Variants in PRUNE2 observed in about 807,000 individuals in gnomAD.
PRUNE2 encodes the protein prune homolog 2 with BCH domain.
Under a neutral mutation model 252.0 loss-of-function variants are expected in PRUNE2, and 164 were observed. That is an observed-to-expected ratio of 0.65 (90% confidence interval 0.57 to 0.74). PRUNE2 has a LOEUF of 0.74. PRUNE2 is among the 30% of genes least tolerant of loss of function. The pLI is 0.00. For synonymous variants in PRUNE2, 1,292 were observed against 1,350.2 expected, an observed-to-expected ratio of 0.96 and a Z score of 0.94; for missense variants, 3,495 against 3,711.0, an observed-to-expected ratio of 0.94 and a Z score of 1.51.
In PRUNE2 at chr9:76,906,003, C is replaced by T. The variant is rs2133820060; in HGVS notation, c.-40G>A. Reference sequence around the variant, plus strand: ...TTTGGAACCCGGGTACTCGGAGGGGCGCAGTGGAAAATCTCGGCCCAAGGA... The same window carrying T: ...TTTGGAACCCGGGTACTCGGAGGGGTGCAGTGGAAAATCTCGGCCCAAGGA... On this transcript the variant is annotated 5_prime_UTR_variant, in exon 1 of 19. Coordinates refer to ENST00000376718, the MANE Select transcript of PRUNE2 (RefSeq NM_015225.3). 1.2e-6 allele frequency: 2 copies of T among 1,610,584 alleles called. No individual in the cohort carries two copies. The highest frequency in any genetic ancestry group is 8.5e-7 in the Non-Finnish European group (1 of 1,176,946).
intron 1 of PRUNE2, among the ~76,000 whole-genome samples, chr9:76,889,535 G>T (rs1473480230): frequency 2.6e-5 from 4 of 151,930 alleles, no homozygotes; most frequent in Non-Finnish European, 4.4e-5. Flanking sequence ...GACCTGGCTG[G>T]TCTCAAACTC....
chr9:76,697,840 C>T (rs1205233815), intron 9 of PRUNE2, among the ~76,000 whole-genome samples: 1 of 152,174 alleles, frequency 6.6e-6, no homozygotes, highest in African/African-American at 2.4e-5. Flanking sequence ...GAGAGGAACA[C>T]TTGCCCTGTC....
intron 6 of PRUNE2, among the ~76,000 whole-genome samples, chr9:76,777,582 G>A (rs969337731): frequency 3.3e-5 from 5 of 152,102 alleles, no homozygotes; most frequent in Admixed American, 1.3e-4. Context: ...TTTATGCAAG[G>A]CATTCTTGGG....
intron 6 of PRUNE2, among the ~76,000 whole-genome samples, chr9:76,767,181 G>C (rs1321357418): frequency 6.6e-6 from 1 of 152,206 alleles, no homozygotes; most frequent in Non-Finnish European, 1.5e-5. Flanking sequence ...GCCAGGCACT[G>C]TGGGTCACGC....
At position 76,858,758 on chromosome 9, in the gene PRUNE2, T is replaced by TA. The variant is rs879425476; in HGVS notation, c.37-4551dup. 4.8e-3 allele frequency among the ~76,000 whole-genome samples: 593 copies of TA among 123,322 alleles called. 2 individuals are homozygous for TA. Among genetic ancestry groups the TA allele is most frequent in the African/African-American group, 0.012 (391 of 33,584 alleles). 80.9% of individuals were successfully genotyped at this position (123,322 alleles called of 152,430 possible). On this transcript the variant is annotated intron_variant, in intron 1 of 18. Coordinates refer to ENST00000376718, the MANE Select transcript of PRUNE2 (RefSeq NM_015225.3). ...TGTATCCCAGAACTTAAGGTATAAT[T>TA]AAAAAAAAAAAAAAGAAAGAAAAAA...
chr9:76,662,942 A>G (rs756033675), intron 9 of PRUNE2, among the ~76,000 whole-genome samples: 1 of 152,202 alleles, frequency 6.6e-6, no homozygotes, highest in Admixed American at 6.5e-5. Context: ...AGAAAAAAGA[A>G]AACACAAACA....
At chr9:76,776,852 T>C in intron 6 of PRUNE2, among the ~76,000 whole-genome samples, 1 of 148,334 alleles carries the variant, frequency 6.7e-6, no homozygotes, top group South Asian at 2.1e-4. Context: ...TGAAGATACA[T>C]GAAGCTTTCT....
chr9:76,709,400 C>G lies in PRUNE2; in HGVS notation c.2874G>C (p.Ser958=). Residue 958 remains serine (S), a synonymous_variant, in exon 8 of 19, where the codon TCG becomes TCC. Coordinates refer to ENST00000376718, the MANE Select transcript of PRUNE2 (RefSeq NM_015225.3). ...DYSASNLGED[S]VPSPLDTNYS... Reference sequence around the variant, plus strand: ...AATTGGTATCTAAGGGGGAAGGCACCGAATCTTCTCCTAGGTTGGATGCAC... The same window carrying G: ...AATTGGTATCTAAGGGGGAAGGCACGGAATCTTCTCCTAGGTTGGATGCAC... 6.2e-7 allele frequency: 1 copy of G among 1,613,968 alleles called. No individual in the cohort carries two copies. The highest frequency in any genetic ancestry group is 8.5e-7 in the Non-Finnish European group (1 of 1,179,878).
chr9:76,737,733 T>G (rs995151550), intron 6 of PRUNE2: 5 of 152,228 alleles, frequency 3.3e-5, no homozygotes, highest in African/African-American at 9.6e-5. Flanking sequence ...CAAGCTTGAG[T>G]TGATTTATTG....
intron 1 of PRUNE2, among the ~76,000 whole-genome samples, chr9:76,903,430 A>T (rs2063298618): frequency 6.6e-6 from 1 of 152,036 alleles, no homozygotes. Flanking sequence ...TTTAGGTATC[A>T]TATAGCTAAA....
At chr9:76,857,725 C>G (rs1283139287) in intron 1 of PRUNE2, among the ~76,000 whole-genome samples, 1 of 152,192 alleles carries the variant, frequency 6.6e-6, no homozygotes, top group Non-Finnish European at 1.5e-5. Flanking sequence ...CACTCTTGAG[C>G]TTCCCCCCAC....
intron 6 of PRUNE2, among the ~76,000 whole-genome samples, chr9:76,749,554 C>T (rs1248852971): frequency 6.6e-6 from 1 of 152,324 alleles, no homozygotes; most frequent in Non-Finnish European, 1.5e-5. Context: ...CCTTTAAAAA[C>T]CCTTGCGTGT....
At chr9:76,730,925 A>T (rs564002350) in intron 6 of PRUNE2, among the ~76,000 whole-genome samples, 2 of 152,300 alleles carry the variant, frequency 1.3e-5, no homozygotes, top group Admixed American at 1.3e-4. Context: ...GACGAAAGAG[A>T]TGAGGCAATC....
chr9:76,872,066 C>G (rs1357388303), intron 1 of PRUNE2, among the ~76,000 whole-genome samples: 1 of 152,186 alleles, frequency 6.6e-6, no homozygotes, highest in Non-Finnish European at 1.5e-5. Context: ...CTAGAAACAA[C>G]AGATACCATG....
intron 5 of PRUNE2, among the ~76,000 whole-genome samples, chr9:76,824,006 A>G (rs2058198192): frequency 6.6e-6 from 1 of 152,188 alleles, no homozygotes; most frequent in South Asian, 2.1e-4. Flanking sequence ...GAGAAAGTGA[A>G]TAAAAGATGA....
At position 76,644,841 on chromosome 9, in the gene PRUNE2, G is replaced by T. The variant is rs372423853; in HGVS notation, c.8626C>A (p.Arg2876=). The T allele has an allele frequency of 1.2e-6, 2 of 1,613,794 alleles. No homozygotes were observed. Among genetic ancestry groups the T allele is most frequent in the South Asian group, 1.1e-5 (1 of 91,080 alleles). Residue 2876 remains arginine (R), a synonymous_variant, in exon 12 of 19, where the codon CGG becomes AGG. Transcript: ENST00000376718. ...SIPEYTAEEE[R]EDNRLWRTVV... ...GTCCTCCAAAGCCGGTTGTCCTCCC[G>T]TTCCTCTTCGGCCGTATATTCTGGA...
chr9:76,642,095 C>A, intron 12 of PRUNE2: 1 of 808,960 alleles, frequency 1.2e-6, no homozygotes. Context: ...GGTTTCTCAG[C>A]TCCAAGTTCA....
chr9:76,811,203 A>G (rs2057335838), intron 6 of PRUNE2, among the ~76,000 whole-genome samples: 1 of 152,252 alleles, frequency 6.6e-6, no homozygotes, highest in South Asian at 2.1e-4. Flanking sequence ...AAATGTATTT[A>G]CAGAGTGAAA....
intron 6 of PRUNE2, among the ~76,000 whole-genome samples, chr9:76,810,559 T>A (rs950734631): frequency 6.6e-6 from 1 of 152,200 alleles, no homozygotes. Flanking sequence ...ACCACTGACC[T>A]GTAATAATCC....
Sources: allele counts gnomAD v4.1 joint callset (sites outside exome capture counted in the v4.1 genomes callset), GRCh38; gene constraint gnomAD v4.1.1; transcripts MANE v1.5; gene names NCBI Gene and HGNC (gene_info 2026-07-23, HGNC 2026-07-21).